The following KIF1A variants were observed in gnomAD, a reference collection of about 807,000 sequenced individuals.
KIF1A encodes the protein kinesin family member 1A, also known as kinesin-like protein KIF1A.
Under a neutral mutation model 227.3 loss-of-function variants are expected in KIF1A, and 46 were observed. The observed-to-expected ratio is 0.20, with a 90% CI of 0.16 to 0.26. The LOEUF (loss-of-function observed/expected upper bound fraction) is 0.26. Among genes scored for constraint, KIF1A ranks in the 10% least tolerant of loss-of-function variants. The probability of loss-of-function intolerance (pLI) is 1.00; values close to 1 mark genes in which losing one functional copy is unlikely to be tolerated. For missense variants in KIF1A, 1,683 were observed against 2,485.9 expected (o/e 0.68, Z 6.87); for synonymous variants, 1,022 against 1,012.8 (o/e 1.01, Z -0.17).
chr2:240,811,963 G>C (rs1438709314), intron 1 of KIF1A, among the ~76,000 whole-genome samples: 1 of 152,064 alleles, frequency 6.6e-6, no homozygotes, highest in Non-Finnish European at 1.5e-5. Flanking sequence ...CATCCATGTG[G>C]GTATGTGGGT....
intron 28 of KIF1A, among the ~76,000 whole-genome samples, chr2:240,749,884 A>G (rs764508033): frequency 2.0e-5 from 3 of 152,220 alleles, no homozygotes; most frequent in Non-Finnish European, 4.4e-5. Context: ...CAGGGAATGC[A>G]TCAGGGAACC....
Position 240,789,794 on chromosome 2 carries a change from G to C in KIF1A, c.107-482C>G, listed in dbSNP as rs926031498. Among the ~76,000 whole-genome samples the C allele has an allele frequency of 6.6e-6, 1 of 152,100 alleles. No homozygotes were observed. Among genetic ancestry groups the C allele is most frequent in the African/African-American group, 2.4e-5 (1 of 41,420 alleles). On this transcript the variant is annotated intron_variant, in intron 2 of 48. Coordinates refer to ENST00000498729, the MANE Select transcript of KIF1A (RefSeq NM_001244008.2). The surrounding 1 kb of genome is among the most constrained non-coding windows in gnomAD (Gnocchi z 4.8). ...TGTTACGCCTGTGCGGTTCTTCTAG[G>C]CTTGCTACTCCAGACAGAGCTCTAT... is the stretch of plus-strand genomic sequence containing the variant.
chr2:240,752,824 G>A lies in KIF1A; in HGVS notation c.2859-2277C>T, dbSNP rs543008342. 2.0e-4 allele frequency among the ~76,000 whole-genome samples: 31 copies of A among 152,256 alleles called. No individual in the cohort carries two copies. In the East Asian group the frequency reaches 3.9e-3, roughly 19 times the overall value. ...GCAGGAAGCCCATGGGGTGGTGCTCGGAGAGGGGGCAGGACCTGGGACCAC... is the reference window on the plus strand; with the variant it reads ...GCAGGAAGCCCATGGGGTGGTGCTCAGAGAGGGGGCAGGACCTGGGACCAC... On this transcript the variant is annotated intron_variant, in intron 27 of 48. Transcript: ENST00000498729. This position sits in a 1 kb window ranked among gnomAD's most constrained non-coding sequence, Gnocchi z 6.4.
At chr2:240,791,150 C>T (rs1360569202) in intron 2 of KIF1A, among the ~76,000 whole-genome samples, 3 of 152,216 alleles carry the variant, frequency 2.0e-5, no homozygotes, top group South Asian at 2.1e-4. Context: ...AGAGGGGCCA[C>T]GTCCGTGCTA....
intron 1 of KIF1A, among the ~76,000 whole-genome samples, chr2:240,802,509 A>G (rs560446637): frequency 2.6e-5 from 4 of 152,386 alleles, no homozygotes; most frequent in Non-Finnish European, 5.9e-5. Context: ...CCAGATTTTT[A>G]TAAATTATAT....
Position 240,719,041 on chromosome 2 carries a change from C to A in KIF1A, c.5179G>T (p.Val1727Leu). 6.2e-7 allele frequency: 1 copy of A among 1,612,270 alleles called. No homozygotes were observed. Among genetic ancestry groups the A allele is most frequent in the South Asian group, 1.1e-5 (1 of 91,044 alleles). ...RFVLNLATAQ[V>L]EYSEDQQAML... The stretch of plus-strand genomic sequence containing the variant: ...GCCTGCTGGTCCTCACTGTACTCCA[C>A]CTGGGCAGTGGCCAGGTTGAGCACG... Residue 1727 changes from valine to leucine, a missense_variant, in exon 47 of 49, where the codon GTG becomes TTG. By Grantham distance (32) the Val-to-Leu change is conservative. Around this residue, in one of 12 missense-constraint regions of KIF1A, gnomAD observed 384 missense variants for 410.1 expected, o/e 0.94. Transcript: ENST00000498729.
At chr2:240,817,683 C>T (rs1218181233) in intron 1 of KIF1A, among the ~76,000 whole-genome samples, 1 of 152,184 alleles carries the variant, frequency 6.6e-6, no homozygotes, top group East Asian at 1.9e-4. Context: ...TCTCCCTTCC[C>T]GTCCCCACCA....
In KIF1A at chr2:240,736,498, G is replaced by A. The variant is rs981996069; in HGVS notation, c.4007+565C>T. Among the ~76,000 whole-genome samples the A allele has an allele frequency of 6.6e-6, 1 of 152,146 alleles. No homozygotes were observed. The highest frequency in any genetic ancestry group is 1.5e-5 in the Non-Finnish European group (1 of 68,028). ...CCATCCCCTAACCCCAGCAGACCCC[G>A]ATAGGGCTGCCACAGACATCCCAGA... is the stretch of plus-strand genomic sequence containing the variant. On this transcript the variant is annotated intron_variant, in intron 38 of 48. Coordinates refer to ENST00000498729, the MANE Select transcript of KIF1A (RefSeq NM_001244008.2). The surrounding 1 kb of genome is among the most constrained non-coding windows in gnomAD (Gnocchi z 4.7).
intron 28 of KIF1A, among the ~76,000 whole-genome samples, chr2:240,747,961 G>A (rs1575567294): frequency 6.6e-6 from 1 of 152,250 alleles, no homozygotes; most frequent in East Asian, 1.9e-4. Flanking sequence ...GTCACGGGCA[G>A]GGCTGATGAG....
chr2:240,737,104 G>A lies in KIF1A; in HGVS notation c.3966C>T (p.Asn1322=), dbSNP rs1398187893. 1.9e-6 allele frequency: 3 copies of A among 1,613,708 alleles called. No homozygotes were observed. Among genetic ancestry groups the A allele is most frequent in the Admixed American group, 1.7e-5 (1 of 60,014 alleles). The change falls in exon 38 of 49, where the codon AAC becomes AAT. Residue 1322 remains asparagine, a synonymous_variant. Transcript: ENST00000498729. ...SLIDPNILSL[N]ILSSGYIHPA... The stretch of plus-strand genomic sequence containing the variant: ...GGTGGATGTATCCGGAAGAGAGGAT[G>A]TTGAGAGACAAGATGTTGGGGTCGA...
chr2:240,720,450 C>G (rs186568506), intron 45 of KIF1A, among the ~76,000 whole-genome samples: 3 of 152,312 alleles, frequency 2.0e-5, no homozygotes, highest in African/African-American at 7.2e-5. Context: ...AATCTGGAAC[C>G]CTTAAGGCGC....
chr2:240,746,640 G>A (rs930306986), intron 29 of KIF1A, among the ~76,000 whole-genome samples: 3 of 152,232 alleles, frequency 2.0e-5, no homozygotes, highest in Non-Finnish European at 4.4e-5. Context: ...GCACGGCCAG[G>A]TGGGCAGGGG....
At chr2:240,721,682 G>A (rs1452970186) in intron 44 of KIF1A, 125 bp downstream of exon 44, 1 of 794,486 alleles carries the variant, frequency 1.3e-6, no homozygotes, top group South Asian at 1.5e-5. Flanking sequence ...CCTCTGCACT[G>A]AGACGTGTTC....
In KIF1A at chr2:240,760,748, C is replaced by T. The variant is rs2050407592; in HGVS notation, c.2361G>A (p.Arg787=). The T allele has an allele frequency of 6.2e-7, 1 of 1,600,324 alleles. No homozygotes were observed. Among genetic ancestry groups the T allele is most frequent in the Non-Finnish European group, 8.5e-7 (1 of 1,173,502 alleles). Residue 787 remains arginine (R), a synonymous_variant, in exon 25 of 49, where the codon CGG becomes CGA. Transcript: ENST00000498729. ...PPEAAKDRET[R]PFPRTIVAVE... is the part of the protein sequence containing the mutation. ...CGGCCACAATGGTGCGGGGGAAGGG[C>T]CGCGTCTCTCGGTCTTTGGCGGCCT...
chr2:240,814,685 G>C (rs904478967), intron 1 of KIF1A, among the ~76,000 whole-genome samples: 1 of 152,208 alleles, frequency 6.6e-6, no homozygotes, highest in African/African-American at 2.4e-5. Context: ...CCAGCACTTT[G>C]TGGGGCCGAG....
chr2:240,796,828 G>T (rs1186890172), intron 2 of KIF1A, among the ~76,000 whole-genome samples: 1 of 152,182 alleles, frequency 6.6e-6, no homozygotes, highest in Non-Finnish European at 1.5e-5. Flanking sequence ...TGAATCTCCA[G>T]CCCCTGAGCA....
intron 1 of KIF1A, among the ~76,000 whole-genome samples, chr2:240,805,022 G>C: frequency 7.2e-6 from 1 of 139,152 alleles, no homozygotes; most frequent in South Asian, 2.5e-4. Flanking sequence ...AAAGGGAAGG[G>C]AAGGGGAGGG....
At chr2:240,731,455 C>T (rs568490744) in intron 38 of KIF1A, among the ~76,000 whole-genome samples, 8 of 152,214 alleles carry the variant, frequency 5.3e-5, no homozygotes, top group Non-Finnish European at 1.0e-4. Context: ...GAGCTGGTGC[C>T]CCGACCGCAT....
At chr2:240,799,821 C>A (rs1051615966) in intron 1 of KIF1A, among the ~76,000 whole-genome samples, 8 of 152,166 alleles carry the variant, frequency 5.3e-5, no homozygotes, top group African/African-American at 1.9e-4. Context: ...GTACTAAAAT[C>A]GGAAATACTT....
Sources: gnomAD v4.1 joint callset for allele counts (sites outside exome capture counted in the v4.1 genomes callset) on GRCh38, gnomAD v4.1.1 for gene constraint, gnomAD v4.1.1 regional missense constraint, Gnocchi (gnomAD v3.1) non-coding constraint, MANE v1.5 for transcripts, NCBI Gene and HGNC (gene_info 2026-07-23, HGNC 2026-07-21) for gene names.